The following PLD5 variants were observed in gnomAD, a reference collection of about 807,000 sequenced individuals.
PLD5 encodes phospholipase D family member 5, also known as inactive phospholipase D5.
PLD5 carries 36 observed loss-of-function variants against 61.1 expected under a neutral mutation model. The observed-to-expected ratio is 0.59, with a 90% CI of 0.45 to 0.78. The LOEUF (loss-of-function observed/expected upper bound fraction) is 0.78. PLD5 is among the 30% of genes least tolerant of loss of function. The pLI is 0.00. For missense variants in PLD5, 515 were observed against 644.4 expected, an observed-to-expected ratio of 0.80 and a Z score of 2.17; for synonymous variants, 243 against 242.8, an observed-to-expected ratio of 1.00 and a Z score of -0.01.
intron 1 of PLD5, among the ~76,000 whole-genome samples, chr1:242,494,492 G>C (rs971576494): frequency 8.6e-5 from 13 of 151,924 alleles, no homozygotes; most frequent in East Asian, 1.9e-4. Context: ...CTGTCCCTAC[G>C]GCCTGGATCA....
chr1:242,191,585 C>T (rs892858762), intron 5 of PLD5, among the ~76,000 whole-genome samples: 4 of 150,080 alleles, frequency 2.7e-5, no homozygotes, highest in South Asian at 2.1e-4. Context: ...GAAGCTGTCT[C>T]GAGAAAAAAG....
intron 1 of PLD5, among the ~76,000 whole-genome samples, chr1:242,381,431 C>A (rs1662273388): frequency 6.6e-6 from 1 of 152,050 alleles, no homozygotes; most frequent in Non-Finnish European, 1.5e-5. Flanking sequence ...GCAGGAATAG[C>A]TAAAGAATGC....
chr1:242,413,173 G>A (rs1161536279), intron 1 of PLD5, among the ~76,000 whole-genome samples: 1 of 152,148 alleles, frequency 6.6e-6, no homozygotes, highest in Non-Finnish European at 1.5e-5. Context: ...GCTTTCTGGA[G>A]CTCCATGCTG....
chr1:242,438,065 C>A (rs1666086216), intron 1 of PLD5, among the ~76,000 whole-genome samples: 1 of 152,036 alleles, frequency 6.6e-6, no homozygotes, highest in Non-Finnish European at 1.5e-5. Flanking sequence ...CCATTGGTTG[C>A]AAAATAGTGA....
chr1:242,295,222 G>A (rs1478478123), intron 2 of PLD5, among the ~76,000 whole-genome samples: 1 of 152,062 alleles, frequency 6.6e-6, no homozygotes, highest in Non-Finnish European at 1.5e-5. Context: ...GGCTTCTAGT[G>A]ATCTCATCAC....
intron 1 of PLD5, among the ~76,000 whole-genome samples, chr1:242,448,411 G>T (rs185527352): frequency 6.6e-6 from 1 of 152,278 alleles, no homozygotes; most frequent in East Asian, 1.9e-4. Context: ...CATCAGCTGT[G>T]CAGTCAAATA....
At position 242,248,272 on chromosome 1, in the gene PLD5, T is replaced by A. The variant is rs1558395096; in HGVS notation, c.607+17065A>T. ...TAACTCCCCACTTTAAGCTATGTAT[T>A]CATCTCTTGAAACCGCTTACTATTG... On this transcript the variant is annotated intron_variant, in intron 4 of 9. Transcript: ENST00000536534. 3.3e-5 allele frequency among the ~76,000 whole-genome samples: 5 copies of A among 152,274 alleles called. No homozygotes were observed. The South Asian group carries it at 1.0e-3, about 32-fold the overall frequency.
At chr1:242,197,596 C>T (rs1040284384) in intron 5 of PLD5, among the ~76,000 whole-genome samples, 9 of 151,972 alleles carry the variant, frequency 5.9e-5, no homozygotes, top group African/African-American at 2.2e-4. Flanking sequence ...TCTAAGAGAC[C>T]ACTTGTGACT....
chr1:242,262,167 T>G (rs6429342), intron 4 of PLD5, among the ~76,000 whole-genome samples: 82,713 of 152,026 alleles, frequency 0.54, 23,275 homozygotes, highest in East Asian at 0.76. Flanking sequence ...GTATCCAACA[T>G]GTATTGGTCT....
At chr1:242,274,596 T>C (rs1674304419) in intron 3 of PLD5, among the ~76,000 whole-genome samples, 2 of 151,906 alleles carry the variant, frequency 1.3e-5, no homozygotes, top group South Asian at 4.2e-4. Flanking sequence ...CTACTAAAAA[T>C]ACAAAAAATT....
Position 242,256,589 on chromosome 1 carries a change from G to A in PLD5, c.607+8748C>T, listed in dbSNP as rs191719147. Among the ~76,000 whole-genome samples the A allele has an allele frequency of 4.7e-4, 71 of 152,276 alleles. 1 individual carries two copies. The East Asian group carries it at 0.012, about 25-fold the overall frequency. ...CCTCTGGGGGATGCAGTAACAAGGC[G>A]CCATCTTGGAAGCACAGAGCAGCTC... is the stretch of plus-strand genomic sequence containing the variant. On this transcript the variant is annotated intron_variant, in intron 4 of 9. Transcript: ENST00000536534. This position sits in a 1 kb window ranked among gnomAD's most constrained non-coding sequence, Gnocchi z 5.7.
At chr1:242,369,125 T>C (rs1376797533) in intron 1 of PLD5, among the ~76,000 whole-genome samples, 3 of 152,296 alleles carry the variant, frequency 2.0e-5, no homozygotes, top group Non-Finnish European at 4.4e-5. Flanking sequence ...ACATTGAGAA[T>C]GTAGGACTGT....
intron 1 of PLD5, among the ~76,000 whole-genome samples, chr1:242,412,780 G>T (rs1664625658): frequency 6.6e-6 from 1 of 152,218 alleles, no homozygotes; most frequent in Non-Finnish European, 1.5e-5. Flanking sequence ...ATTATCATTT[G>T]TGCAGATTTT....
At position 242,088,068 on chromosome 1, in the gene PLD5, T is replaced by C. The variant is rs1659553461; in HGVS notation, c.*1786A>G. On this transcript the variant is annotated 3_prime_UTR_variant, in exon 10 of 10. Transcript: ENST00000536534. ...AGCCATTCTATATTAAGTAAATCCA[T>C]TGGATAAGATTCACAGGCTCCTCGA... is the stretch of plus-strand genomic sequence containing the variant. The C allele has an allele frequency of 6.6e-6, 1 of 152,226 alleles. No individual in the cohort carries two copies. The highest frequency in any genetic ancestry group is 1.5e-5 in the Non-Finnish European group (1 of 68,032). The allele number at this position is 152,226 out of a possible 1,614,324, so 9.4% of individuals were successfully genotyped here.
intron 5 of PLD5, among the ~76,000 whole-genome samples, chr1:242,163,498 T>C (rs1433599756): frequency 6.6e-6 from 1 of 152,150 alleles, no homozygotes; most frequent in Non-Finnish European, 1.5e-5. Flanking sequence ...GTGGATTTTA[T>C]TGTAATTGAA....
chr1:242,134,986 T>C (rs1362381175), intron 5 of PLD5, among the ~76,000 whole-genome samples: 1 of 152,238 alleles, frequency 6.6e-6, no homozygotes, highest in African/African-American at 2.4e-5. Context: ...TCTTAGTGGA[T>C]AGAGCAAGGA....
intron 1 of PLD5, among the ~76,000 whole-genome samples, chr1:242,494,710 G>T (rs375996221): frequency 1.3e-5 from 2 of 152,240 alleles, no homozygotes; most frequent in South Asian, 2.1e-4. Context: ...CATCCAGAGA[G>T]TCTCAATAAC....
intron 3 of PLD5, among the ~76,000 whole-genome samples, chr1:242,279,540 AT>A (rs78771148): frequency 5.5e-4 from 81 of 146,172 alleles, no homozygotes; most frequent in African/African-American, 1.7e-3. Context: ...TCTGTCTCTC[AT>A]TTTTTTTTTT....
In PLD5 at chr1:242,436,928, G is replaced by A. The variant is rs554013727; in HGVS notation, c.189+87160C>T. The stretch of plus-strand genomic sequence containing the variant: ...TAAAAGAACAAAAAGAAGCCTCTTG[G>A]AATTATGGATTTGGATTATGAGGCT... On this transcript the variant is annotated intron_variant, in intron 1 of 9. Transcript: ENST00000536534. Among the ~76,000 whole-genome samples the A allele has an allele frequency of 3.3e-5, 5 of 152,232 alleles. No homozygotes were observed. The East Asian group carries it at 7.7e-4, about 24-fold the overall frequency.
Sources: allele counts gnomAD v4.1 joint callset (sites outside exome capture counted in the v4.1 genomes callset), GRCh38; gene constraint gnomAD v4.1.1; non-coding constraint Gnocchi (gnomAD v3.1); transcripts MANE v1.5; gene names NCBI Gene and HGNC (gene_info 2026-07-23, HGNC 2026-07-21).